The following TANC2 variants were observed in gnomAD, a reference collection of about 807,000 sequenced individuals.
The protein encoded by TANC2 is protein TANC2.
In TANC2, 26 loss-of-function variants were observed where a neutral mutation model predicts 210.5. That is an observed-to-expected ratio of 0.12 (90% confidence interval 0.09 to 0.17). TANC2 has a LOEUF of 0.17. TANC2 is among the 10% of genes least tolerant of loss of function. TANC2 has a pLI of 1.00. For synonymous variants in TANC2, 931 were observed against 967.1 expected (o/e 0.96, Z 0.69); for missense variants, 2,129 against 2,608.9 (o/e 0.82, Z 4.01).
At chr17:63,395,716 C>T in intron 17 of TANC2, 27 bp from the exon 18 acceptor site, 1 of 1,607,420 alleles carries the variant, frequency 6.2e-7, no homozygotes, top group Non-Finnish European at 8.5e-7. Context: ...TCTGTGTTCA[C>T]ACATATCTCC....
intron 5 of TANC2, among the ~76,000 whole-genome samples, chr17:63,185,698 C>T (rs370568499): frequency 2.0e-5 from 3 of 152,332 alleles, no homozygotes; most frequent in South Asian, 4.1e-4. Flanking sequence ...TGCCATTCTG[C>T]ACTGTATATG....
At chr17:63,013,731 T>A (rs1032206893) in intron 2 of TANC2, among the ~76,000 whole-genome samples, 2 of 132,438 alleles carry the variant, frequency 1.5e-5, no homozygotes, top group Non-Finnish European at 3.1e-5. Flanking sequence ...CACTGCACTC[T>A]AGCCTGGGCG....
intron 3 of TANC2, among the ~76,000 whole-genome samples, chr17:63,098,481 T>G (rs9911299): frequency 4.0e-5 from 2 of 50,036 alleles, no homozygotes; most frequent in East Asian, 1.3e-3. Flanking sequence ...CACACACACA[T>G]ACACTCTCTC....
intron 1 of TANC2, among the ~76,000 whole-genome samples, chr17:62,970,803 T>C (rs1339817666): frequency 2.0e-5 from 3 of 152,230 alleles, no homozygotes; most frequent in Admixed American, 1.3e-4. Flanking sequence ...TTAGCTGGGA[T>C]ATTTTTGCTG....
rs561225984 is a variant in TANC2, at chr17:63,119,772, T to C, written c.322+20415T>C. On this transcript the variant is annotated intron_variant, in intron 4 of 27. Transcript: ENST00000689528. ...GCTCACACCTGTAATTCCAGCACTTTGTGAGGCTGAGATGGGAAGATCCCT... is the reference window on the plus strand; with the variant it reads ...GCTCACACCTGTAATTCCAGCACTTCGTGAGGCTGAGATGGGAAGATCCCT... Among the ~76,000 whole-genome samples the C allele has an allele frequency of 2.6e-5, 4 of 152,274 alleles. No homozygotes were observed. In the South Asian group the frequency reaches 8.3e-4, roughly 32 times the overall value.
intron 12 of TANC2, among the ~76,000 whole-genome samples, chr17:63,349,599 AG>A (rs547181794): frequency 1.6e-3 from 243 of 152,344 alleles, no homozygotes; most frequent in African/African-American, 5.6e-3. Context: ...CCAAGCTACC[AG>A]CTGTTTAACA....
intron 8 of TANC2, among the ~76,000 whole-genome samples, chr17:63,267,165 A>C (rs562217300): frequency 1.3e-5 from 2 of 152,294 alleles, no homozygotes; most frequent in East Asian, 3.9e-4. Context: ...TTTTCAAACA[A>C]TAAAATGGAT....
At chr17:62,975,481 G>A (rs199763339) in intron 1 of TANC2, among the ~76,000 whole-genome samples, 3 of 151,534 alleles carry the variant, frequency 2.0e-5, no homozygotes, top group Non-Finnish European at 2.9e-5. Context: ...ATAAATAACC[G>A]TCCAACCACA....
chr17:63,413,714 A>G (rs1216154045), intron 25 of TANC2, 80 bp downstream of exon 25: 40 of 1,315,406 alleles, frequency 3.0e-5, no homozygotes, highest in Admixed American at 2.2e-4. Context: ...AAGTCTTGAT[A>G]ATTCTCATCC....
chr17:63,033,380 G>A (rs149161810), intron 2 of TANC2, among the ~76,000 whole-genome samples: 298 of 152,286 alleles, frequency 2.0e-3, no homozygotes, highest in Non-Finnish European at 3.6e-3. Context: ...TCAGCCACCA[G>A]TAATCTCATT....
intron 3 of TANC2, among the ~76,000 whole-genome samples, chr17:63,085,272 A>G (rs1462250350): frequency 6.6e-6 from 1 of 152,092 alleles, no homozygotes; most frequent in Non-Finnish European, 1.5e-5. Context: ...CATTGTTACA[A>G]TCTCTGACTT....
Position 63,412,930 on chromosome 17 carries a change from A to G in TANC2, c.3928+221A>G, listed in dbSNP as rs1387573279. Among the ~76,000 whole-genome samples the G allele has an allele frequency of 6.6e-6, 1 of 152,168 alleles. No individual in the cohort carries two copies. Among genetic ancestry groups the G allele is most frequent in the Non-Finnish European group, 1.5e-5 (1 of 68,026 alleles). ...TTGTAAATAATTCAGGCATTTGTAAACTAATCAATTTAACCTTTTCTTTCT... is the reference window on the plus strand; with the variant it reads ...TTGTAAATAATTCAGGCATTTGTAAGCTAATCAATTTAACCTTTTCTTTCT... On this transcript the variant is annotated intron_variant, in intron 24 of 27. Transcript: ENST00000689528. The surrounding 1 kb of genome is among the most constrained non-coding windows in gnomAD (Gnocchi z 4.2).
intron 5 of TANC2, chr17:63,155,348 C>T (rs1224243343): frequency 6.6e-6 from 1 of 152,126 alleles, no homozygotes; most frequent in Middle Eastern, 3.2e-3. Context: ...TACTCATCAT[C>T]ATCATCATCA....
chr17:63,295,728 CATAAT>C (rs751149412), intron 9 of TANC2, among the ~76,000 whole-genome samples: 1 of 152,142 alleles, frequency 6.6e-6, no homozygotes, highest in Non-Finnish European at 1.5e-5. Flanking sequence ...ACAAATACAA[CATAAT>C]ATAATAGAAA....
intron 19 of TANC2, among the ~76,000 whole-genome samples, chr17:63,403,408 G>C (rs905743636): frequency 2.6e-5 from 4 of 152,008 alleles, no homozygotes; most frequent in African/African-American, 7.3e-5. Flanking sequence ...ATGGTTCCTA[G>C]TAAGTGTCTA....
intron 6 of TANC2, among the ~76,000 whole-genome samples, chr17:63,196,215 A>AT (rs1332165465): frequency 6.6e-6 from 1 of 152,198 alleles, no homozygotes; most frequent in African/African-American, 2.4e-5. Flanking sequence ...AGATCTGATG[A>AT]TTTTTTAAAT....
At chr17:63,306,837 C>T (rs2044926553) in intron 9 of TANC2, among the ~76,000 whole-genome samples, 2 of 152,068 alleles carry the variant, frequency 1.3e-5, no homozygotes, top group Admixed American at 1.3e-4. Flanking sequence ...GCCTATAGTC[C>T]CAGCTACTTG....
chr17:63,004,723 C>T (rs572514625), intron 1 of TANC2: 20 of 325,826 alleles, frequency 6.1e-5, no homozygotes, highest in East Asian at 5.0e-4. Context: ...TTGGTATCTC[C>T]GGCAGCTTCA....
chr17:63,337,657 A>C (rs1309183860), intron 11 of TANC2, among the ~76,000 whole-genome samples: 1 of 150,644 alleles, frequency 6.6e-6, no homozygotes, highest in Non-Finnish European at 1.5e-5. Flanking sequence ...GCACACGTGC[A>C]CATTTATTAT....
Sources: allele counts gnomAD v4.1 joint callset (sites outside exome capture counted in the v4.1 genomes callset), GRCh38; gene constraint gnomAD v4.1.1; non-coding constraint Gnocchi (gnomAD v3.1); transcripts MANE v1.5; gene names NCBI Gene and HGNC (gene_info 2026-07-23, HGNC 2026-07-21).